The following MLIP variants were observed in gnomAD, a reference collection of about 807,000 sequenced individuals.
MLIP encodes muscular LMNA-interacting protein.
A neutral mutation model predicts 84.8 loss-of-function variants in MLIP; 79 were observed. That is an observed-to-expected ratio of 0.93 (90% CI 0.78 to 1.12). MLIP has a LOEUF of 1.12. Among genes scored for constraint, MLIP ranks in the 50% most tolerant of loss-of-function variants. The pLI is 0.00. For missense variants in MLIP, 1,257 were observed against 1,160.6 expected, an observed-to-expected ratio of 1.08 and a Z score of -1.21; for synonymous variants, 504 against 463.0, an observed-to-expected ratio of 1.09 and a Z score of -1.14.
intron 1 of MLIP, among the ~76,000 whole-genome samples, chr6:54,113,294 TG>T (rs1207111732): frequency 6.6e-6 from 1 of 152,184 alleles, no homozygotes; most frequent in Non-Finnish European, 1.5e-5. Flanking sequence ...AATTATGGGA[TG>T]GATTATTTGA....
intron 1 of MLIP, among the ~76,000 whole-genome samples, chr6:54,081,173 T>C (rs1177544691): frequency 1.3e-5 from 2 of 152,132 alleles, no homozygotes; most frequent in Non-Finnish European, 2.9e-5. Context: ...TATTCACTAG[T>C]CTCTCTGGGA....
upstream of MLIP, among the ~76,000 whole-genome samples, chr6:54,109,940 C>CCTTCCTTCCTTCCTTCCTTA (rs1769316432): frequency 8.6e-6 from 1 of 115,740 alleles, no homozygotes; most frequent in Non-Finnish European, 1.8e-5. Context: ...TTCCTTCCTT[C>CCTTCCTTCCTTCCTTCCTTA]CTTCCTTCCT....
chr6:54,095,240 A>G (rs1244415197), intron 1 of MLIP, among the ~76,000 whole-genome samples: 1 of 152,156 alleles, frequency 6.6e-6, no homozygotes, highest in Non-Finnish European at 1.5e-5. Context: ...CCTTGTGATT[A>G]GTTCATCTTG....
At chr6:54,243,238 T>A (rs1323352527) in intron 12 of MLIP, among the ~76,000 whole-genome samples, 1 of 152,096 alleles carries the variant, frequency 6.6e-6, no homozygotes, top group Non-Finnish European at 1.5e-5. Flanking sequence ...ATCTGAGGCC[T>A]GAAAAGAAGT....
intron 3 of MLIP, among the ~76,000 whole-genome samples, chr6:54,128,355 A>G (rs1282470861): frequency 6.6e-6 from 1 of 152,196 alleles, no homozygotes; most frequent in East Asian, 1.9e-4. Context: ...GTAGGAAGAC[A>G]GGATTCAAGC....
intron 9 of MLIP, among the ~76,000 whole-genome samples, chr6:54,174,454 G>C (rs748432893): frequency 6.6e-6 from 1 of 151,992 alleles, no homozygotes; most frequent in Non-Finnish European, 1.5e-5. Flanking sequence ...ACTGGGGTGA[G>C]ATAATATCTC....
chr6:54,236,562 A>G (rs911681693), intron 12 of MLIP, among the ~76,000 whole-genome samples: 4 of 151,188 alleles, frequency 2.6e-5, no homozygotes, highest in Admixed American at 6.6e-5. Context: ...AGATCACTCC[A>G]TTATACTCCA....
intron 3 of MLIP, among the ~76,000 whole-genome samples, chr6:54,127,282 C>T (rs948002283): frequency 6.6e-6 from 1 of 151,976 alleles, no homozygotes; most frequent in Admixed American, 6.6e-5. Flanking sequence ...TTACTTTTAT[C>T]TTTTTTCCTC....
chr6:54,252,578 T>C (rs1318820673), intron 12 of MLIP, among the ~76,000 whole-genome samples: 1 of 148,378 alleles, frequency 6.7e-6, no homozygotes, highest in African/African-American at 2.5e-5. Context: ...ATGATATGTA[T>C]ATAATCATGA....
intron 1 of MLIP, chr6:54,029,128 T>C (rs1763981475): frequency 6.6e-6 from 1 of 152,226 alleles, no homozygotes; most frequent in Admixed American, 6.5e-5. Flanking sequence ...AAAAGCTTGC[T>C]CTCAATGCTG....
At chr6:54,052,138 T>C (rs1045065470) in intron 1 of MLIP, among the ~76,000 whole-genome samples, 6 of 152,168 alleles carry the variant, frequency 3.9e-5, no homozygotes, top group African/African-American at 1.4e-4. Flanking sequence ...GCTAGAAAAT[T>C]ATGGGTGAGA....
chr6:54,116,040 A>G (rs1769888864), intron 1 of MLIP, among the ~76,000 whole-genome samples: 1 of 152,312 alleles, frequency 6.6e-6, no homozygotes, highest in Middle Eastern at 3.4e-3. Flanking sequence ...CAAGATGGGA[A>G]CAGAACTAGG....
intron 12 of MLIP, among the ~76,000 whole-genome samples, chr6:54,236,970 G>T (rs1375292994): frequency 6.6e-6 from 1 of 152,054 alleles, no homozygotes; most frequent in East Asian, 1.9e-4. Flanking sequence ...TTCCCCAGGA[G>T]AAATGGTTTA....
intron 12 of MLIP, among the ~76,000 whole-genome samples, chr6:54,248,541 A>G (rs1199573962): frequency 6.6e-6 from 1 of 152,154 alleles, no homozygotes; most frequent in Non-Finnish European, 1.5e-5. Context: ...AATGTAAGTC[A>G]ACAATAGGAT....
rs1299192264 is a variant in MLIP, at chr6:54,049,160, T to C, written c.63+30069T>C. Among the ~76,000 whole-genome samples the C allele has an allele frequency of 8.5e-5, 13 of 152,158 alleles. No individual in the cohort carries two copies. The East Asian group carries it at 2.5e-3, about 29-fold the overall frequency. ...CCTTGGCTAATGAACTAGAATCCTC[T>C]GAGGATTTTCAGCAAATACCTAAAG... is the stretch of plus-strand genomic sequence containing the variant. On this transcript the variant is annotated intron_variant, in intron 1 of 12. Coordinates refer to the MLIP transcript ENST00000274897.
At chr6:54,125,356 T>C (rs574656755) in intron 3 of MLIP, among the ~76,000 whole-genome samples, 3 of 152,242 alleles carry the variant, frequency 2.0e-5, no homozygotes, top group Admixed American at 6.5e-5. Context: ...AGAAAAATAA[T>C]TTTCCCCTGT....
chr6:54,193,103 C>T (rs143576428), intron 10 of MLIP, among the ~76,000 whole-genome samples: 11 of 152,234 alleles, frequency 7.2e-5, no homozygotes, highest in East Asian at 5.8e-4. Flanking sequence ...AAAATATTTC[C>T]GTTGTTTACT....
At chr6:54,175,392 A>AT (rs1776182730) in intron 9 of MLIP, among the ~76,000 whole-genome samples, 1 of 151,622 alleles carries the variant, frequency 6.6e-6, no homozygotes, top group Non-Finnish European at 1.5e-5. Flanking sequence ...GATGTATTTC[A>AT]TTTTTTGTGT....
chr6:54,074,330 C>T lies in MLIP; in HGVS notation c.64-47117C>T, dbSNP rs142060181. On this transcript the variant is annotated intron_variant, in intron 1 of 12. Coordinates refer to the MLIP transcript ENST00000274897. ...AATTCTGCTGCTAATCACTACAATC[C>T]TCCAGACTTGGTGTGGGAGGTGAGT... Among the ~76,000 whole-genome samples the T allele has an allele frequency of 5.1e-3, 769 of 152,248 alleles. 7 individuals are homozygous for T. Among genetic ancestry groups the T allele is most frequent in the African/African-American group, 0.017 (716 of 41,538 alleles).
Sources: allele counts gnomAD v4.1 joint callset (sites outside exome capture counted in the v4.1 genomes callset), GRCh38; gene constraint gnomAD v4.1.1; transcripts MANE v1.5; gene names NCBI Gene and HGNC (gene_info 2026-07-23, HGNC 2026-07-21).